The following GALNTL6 variants were observed in gnomAD, a reference collection of about 807,000 sequenced individuals.
The protein encoded by GALNTL6 is polypeptide N-acetylgalactosaminyltransferase like 6, also known as polypeptide N-acetylgalactosaminyltransferase-like 6.
In GALNTL6, 46 loss-of-function variants were observed where a neutral mutation model predicts 73.7. That is an observed-to-expected ratio of 0.62 (90% CI 0.49 to 0.80). GALNTL6 has a LOEUF of 0.80. Ranked by LOEUF, GALNTL6 falls within the 30% of genes least tolerant of loss-of-function variation. The pLI, the probability that GALNTL6 is intolerant of heterozygous loss-of-function variation, is 0.00. For missense variants in GALNTL6, 604 were observed against 755.0 expected, an observed-to-expected ratio of 0.80 and a Z score of 2.34; for synonymous variants, 259 against 263.7, an observed-to-expected ratio of 0.98 and a Z score of 0.17.
chr4:172,686,112 T>C (rs573938093), intron 5 of GALNTL6, among the ~76,000 whole-genome samples: 110 of 152,236 alleles, frequency 7.2e-4, no homozygotes, highest in Admixed American at 6.5e-4. Context: ...AGCAAATCTG[T>C]CCTCCTCATG....
chr4:171,831,005 C>T (rs1734955945), intron 2 of GALNTL6, among the ~76,000 whole-genome samples: 1 of 152,056 alleles, frequency 6.6e-6, no homozygotes, highest in South Asian at 2.1e-4. Flanking sequence ...TTCATTAATA[C>T]ACAATACAAG....
chr4:172,727,367 A>G (rs1735878780), intron 5 of GALNTL6, among the ~76,000 whole-genome samples: 1 of 152,256 alleles, frequency 6.6e-6, no homozygotes, highest in African/African-American at 2.4e-5. Context: ...AAGGATAATT[A>G]CTCACAAACT....
chr4:172,342,333 A>C (rs1473387306), intron 4 of GALNTL6, among the ~76,000 whole-genome samples: 1 of 152,176 alleles, frequency 6.6e-6, no homozygotes, highest in Non-Finnish European at 1.5e-5. Flanking sequence ...AGATTATGTA[A>C]TCAAAAGTGA....
At chr4:171,894,737 A>G (rs1736861375) in intron 2 of GALNTL6, among the ~76,000 whole-genome samples, 1 of 152,180 alleles carries the variant, frequency 6.6e-6, no homozygotes, top group Non-Finnish European at 1.5e-5. Context: ...ATCGCCCCAA[A>G]ATAGCTTCAA....
Position 172,485,890 on chromosome 4 carries a change from G to A in GALNTL6, c.553+137201G>A, listed in dbSNP as rs1439995160. Among the ~76,000 whole-genome samples the A allele has an allele frequency of 3.3e-5, 5 of 152,138 alleles. No homozygotes were observed. In the East Asian group the frequency reaches 5.8e-4, roughly 18 times the overall value. The stretch of plus-strand genomic sequence containing the variant: ...AAACAGTAAAGGGATGTGCGTTGAA[G>A]GTCTGCTGTAGTATGTCTGTTTTGC... On this transcript the variant is annotated intron_variant, in intron 5 of 12. Transcript: ENST00000506823.
At chr4:172,210,640 T>A (rs1365063381) in intron 2 of GALNTL6, among the ~76,000 whole-genome samples, 5 of 152,154 alleles carry the variant, frequency 3.3e-5, no homozygotes, top group Non-Finnish European at 7.4e-5. Context: ...CTATGACTTA[T>A]CAGTATTGAT....
At chr4:172,703,387 A>G (rs1734143082) in intron 5 of GALNTL6, among the ~76,000 whole-genome samples, 1 of 151,882 alleles carries the variant, frequency 6.6e-6, no homozygotes, top group Non-Finnish European at 1.5e-5. Context: ...TAGTTTGTTA[A>G]GTATTTTTAT....
At chr4:172,196,001 G>A (rs188381069) in intron 2 of GALNTL6, among the ~76,000 whole-genome samples, 3,220 of 128,928 alleles carry the variant, frequency 0.025, 41 homozygotes, top group Non-Finnish European at 0.035. Context: ...GAATCCAGGA[G>A]CTGGGTTTTT....
chr4:172,405,412 T>C (rs1350760508), intron 5 of GALNTL6, among the ~76,000 whole-genome samples: 1 of 3,354 alleles, frequency 3.0e-4, no homozygotes, highest in Admixed American at 4.8e-3. Context: ...GATATATATA[T>C]ATATATATAT....
chr4:172,361,630 A>G (rs895480347), intron 5 of GALNTL6, among the ~76,000 whole-genome samples: 5 of 152,130 alleles, frequency 3.3e-5, no homozygotes, highest in Non-Finnish European at 5.9e-5. Context: ...TATTCTATTC[A>G]TTTTCAATGT....
At chr4:172,834,078 T>G (rs1354556116) in intron 7 of GALNTL6, among the ~76,000 whole-genome samples, 1 of 152,020 alleles carries the variant, frequency 6.6e-6, no homozygotes, top group African/African-American at 2.4e-5. Flanking sequence ...GATTGCACTA[T>G]TGCACTCCAG....
intron 3 of GALNTL6, among the ~76,000 whole-genome samples, chr4:172,259,384 C>T (rs1232538291): frequency 6.7e-6 from 1 of 149,590 alleles, no homozygotes; most frequent in African/African-American, 2.4e-5. Context: ...TTATGTTTGT[C>T]GGCCATTCGT....
chr4:172,483,584 TCTA>T, intron 5 of GALNTL6, among the ~76,000 whole-genome samples: 1 of 152,164 alleles, frequency 6.6e-6, no homozygotes, highest in Non-Finnish European at 1.5e-5. Context: ...TGCAGCAGTG[TCTA>T]AACTATTAAA....
intron 2 of GALNTL6, among the ~76,000 whole-genome samples, chr4:171,895,488 G>A (rs967148798): frequency 6.6e-6 from 1 of 152,166 alleles, no homozygotes; most frequent in Non-Finnish European, 1.5e-5. Flanking sequence ...GCATAAAGCA[G>A]AGTCAGAGCA....
At chr4:171,830,688 T>C (rs1019249025) in intron 2 of GALNTL6, among the ~76,000 whole-genome samples, 3 of 152,166 alleles carry the variant, frequency 2.0e-5, no homozygotes, top group Admixed American at 2.0e-4. Flanking sequence ...CTGATCTTGA[T>C]ACTGAACATT....
At chr4:172,549,072 G>A (rs1005355376) in intron 5 of GALNTL6, among the ~76,000 whole-genome samples, 5 of 152,104 alleles carry the variant, frequency 3.3e-5, no homozygotes, top group African/African-American at 4.8e-5. Context: ...ATAGTTCCAG[G>A]AATTTCGACC....
intron 2 of GALNTL6, among the ~76,000 whole-genome samples, chr4:171,930,130 C>G (rs1339203790): frequency 6.6e-6 from 1 of 152,262 alleles, no homozygotes; most frequent in East Asian, 1.9e-4. Context: ...GCACCCAACC[C>G]TACAGCCAGT....
intron 2 of GALNTL6, among the ~76,000 whole-genome samples, chr4:171,948,557 C>T (rs1485863): frequency 0.29 from 43,708 of 151,914 alleles, 7,557 homozygotes; most frequent in African/African-American, 0.49. Context: ...TCTGCAAATA[C>T]ATTATCTCCC....
At position 172,206,775 on chromosome 4, in the gene GALNTL6, G is replaced by GTTTTTTTTTTTTTTTTTTTTTTTTTTTT; in HGVS notation, c.139-22875_139-22874insTTTTTTTTTTTTTTTTTTTTTTTTTTTT. 2.5e-5 allele frequency among the ~76,000 whole-genome samples: 2 copies of GTTTTTTTTTTTTTTTTTTTTTTTTTTTT among 79,716 alleles called. 1 individual carries two copies. The highest frequency in any genetic ancestry group is 5.6e-5 in the Non-Finnish European group (2 of 35,644). 52.3% of individuals were successfully genotyped at this position (79,716 alleles called of 152,430 possible). On this transcript the variant is annotated intron_variant, in intron 2 of 12. Transcript: ENST00000506823. ...ATGCATATCAGAGCAGATGAAACGT[G>GTTTTTTTTTTTTTTTTTTTTTTTTTTTT]TTTTTTGTTTTGTTTTGTTTTGTTT... is the stretch of plus-strand genomic sequence containing the variant.
Sources: allele counts gnomAD v4.1 joint callset (sites outside exome capture counted in the v4.1 genomes callset), GRCh38; gene constraint gnomAD v4.1.1; transcripts MANE v1.5; gene names NCBI Gene and HGNC (gene_info 2026-07-23, HGNC 2026-07-21).